BTBD1: variants seen among roughly 807,000 people sequenced by gnomAD.
BTBD1 encodes the protein BTB/POZ domain-containing protein 1.
BTBD1 carries 34 observed loss-of-function variants against 48.0 expected under a neutral mutation model. The observed-to-expected ratio is 0.71, with a 90% CI of 0.54 to 0.94. The LOEUF is 0.94. BTBD1 is among the 40% of genes least tolerant of loss of function. The pLI is 0.00. For missense variants in BTBD1, 543 were observed against 625.6 expected, an observed-to-expected ratio of 0.87 and a Z score of 1.41; for synonymous variants, 261 against 242.1, an observed-to-expected ratio of 1.08 and a Z score of -0.72.
At chr15:83,041,576 T>C (rs866742112) in intron 4 of BTBD1, 152 bp downstream of exon 4, 1 of 669,526 alleles carries the variant, frequency 1.5e-6, no homozygotes, top group Non-Finnish European at 2.6e-6. Context: ...TTTTACCATG[T>C]TGACAAGGCT....
At chr15:83,051,903 C>CACACACACACACA (rs1405843210) in intron 2 of BTBD1, among the ~76,000 whole-genome samples, 1 of 151,304 alleles carries the variant, frequency 6.6e-6, no homozygotes, top group South Asian at 2.1e-4. Context: ...CACACACACA[C>CACACACACACACA]ATCTATCTGG....
At chr15:83,056,084 AT>A (rs34238631) in intron 2 of BTBD1, among the ~76,000 whole-genome samples, 29,194 of 151,832 alleles carry the variant, frequency 0.19, 3,004 homozygotes, top group Non-Finnish European at 0.22. Context: ...TAATTTTTAT[AT>A]TTTTAGTAGA....
chr15:83,058,059 A>T (rs937856149), intron 1 of BTBD1, among the ~76,000 whole-genome samples: 2 of 152,248 alleles, frequency 1.3e-5, no homozygotes, highest in African/African-American at 4.8e-5. Flanking sequence ...AAGCCTGTCC[A>T]TTGTCATGGA....
At chr15:83,045,782 A>C (rs533025663) in intron 3 of BTBD1, among the ~76,000 whole-genome samples, 2 of 152,302 alleles carry the variant, frequency 1.3e-5, no homozygotes, top group East Asian at 3.9e-4. Flanking sequence ...AATATGACAC[A>C]ACCATTTGAT....
chr15:83,050,054 T>C lies in BTBD1; in HGVS notation c.664+19A>G. On this transcript the variant is annotated intron_variant, in intron 3 of 7. Transcript: ENST00000261721. ...TAACTGTACTTAAAATGTAACAATT[T>C]ACTTCATAGCGAACTTACCTATATC... 1 of 1,486,076 alleles carries C rather than the reference T, an allele frequency of 6.7e-7. No homozygotes were observed. The highest frequency in any genetic ancestry group is 9.4e-7 in the Non-Finnish European group (1 of 1,067,246). The allele number at this position is 1,486,076 out of a possible 1,614,324, so 92.1% of individuals were successfully genotyped here.
intron 4 of BTBD1, among the ~76,000 whole-genome samples, chr15:83,038,405 C>T (rs1056136541): frequency 1.3e-5 from 2 of 152,114 alleles, no homozygotes; most frequent in African/African-American, 2.4e-5. Context: ...ACAGATGACA[C>T]AAACAAATGG....
intron 2 of BTBD1, 112 bp downstream of exon 2, chr15:83,056,277 T>C: frequency 1.5e-6 from 1 of 679,502 alleles, no homozygotes; most frequent in Non-Finnish European, 2.3e-6. Flanking sequence ...AAAAATCATT[T>C]TATATACTTT....
chr15:83,053,909 C>T (rs1241063352), intron 2 of BTBD1, among the ~76,000 whole-genome samples: 1 of 152,224 alleles, frequency 6.6e-6, no homozygotes, highest in Non-Finnish European at 1.5e-5. Context: ...GCTCCCAGTA[C>T]ATTCTGCTAT....
chr15:83,049,789 C>G (rs1196105449), intron 3 of BTBD1, among the ~76,000 whole-genome samples: 1 of 152,152 alleles, frequency 6.6e-6, no homozygotes, highest in Non-Finnish European at 1.5e-5. Context: ...CAAGACAACT[C>G]ATCTCTTACT....
In BTBD1 at chr15:83,026,735, T is replaced by C. The variant is rs1015998149; in HGVS notation, c.1055+3401A>G. ...CGGGGTTTCTCCATGTTGGTCAGAC[T>C]GGTCTCGAGCTCCCGACCTGAGGTG... On this transcript the variant is annotated intron_variant, in intron 5 of 7. Transcript: ENST00000261721. Among the ~76,000 whole-genome samples, 6 of 152,038 alleles carry C rather than the reference T, an allele frequency of 3.9e-5. No homozygotes were observed. In the South Asian group the frequency reaches 8.3e-4, roughly 21 times the overall value.
intron 2 of BTBD1, among the ~76,000 whole-genome samples, chr15:83,055,406 T>A (rs1332198683): frequency 6.6e-6 from 1 of 151,610 alleles, no homozygotes; most frequent in Non-Finnish European, 1.5e-5. Flanking sequence ...TACAGGCATG[T>A]GCCACCATGC....
At chr15:83,052,648 T>G (rs1220324009) in intron 2 of BTBD1, among the ~76,000 whole-genome samples, 2 of 133,886 alleles carry the variant, frequency 1.5e-5, no homozygotes, top group Admixed American at 1.5e-4. Context: ...TTTTTTTTTT[T>G]GAGATGGAGT....
At chr15:83,038,014 G>A (rs2032664066) in intron 4 of BTBD1, among the ~76,000 whole-genome samples, 1 of 152,148 alleles carries the variant, frequency 6.6e-6, no homozygotes, top group African/African-American at 2.4e-5. Flanking sequence ...AACCCGGGAG[G>A]CAGAGGTTGC....
chr15:83,060,747 C>T (rs1005202570), intron 1 of BTBD1, among the ~76,000 whole-genome samples: 1 of 152,040 alleles, frequency 6.6e-6, no homozygotes, highest in South Asian at 2.1e-4. Flanking sequence ...AAGCCAAGAT[C>T]GCGCCACTGT....
At chr15:83,053,832 A>C (rs1054636549) in intron 2 of BTBD1, among the ~76,000 whole-genome samples, 1 of 152,222 alleles carries the variant, frequency 6.6e-6, no homozygotes. Context: ...CACCTCATAA[A>C]GTTATTGTGA....
At chr15:83,033,792 G>A (rs1242027289) in intron 4 of BTBD1, among the ~76,000 whole-genome samples, 1 of 151,928 alleles carries the variant, frequency 6.6e-6, no homozygotes, top group Non-Finnish European at 1.5e-5. Context: ...TTTTGCCGAG[G>A]CTGGTCTTGA....
intron 3 of BTBD1, among the ~76,000 whole-genome samples, chr15:83,044,175 T>A (rs1049057948): frequency 1.3e-5 from 2 of 152,186 alleles, no homozygotes; most frequent in Non-Finnish European, 1.5e-5. Context: ...ACAATAATAA[T>A]GTAACTGATA....
intron 1 of BTBD1, among the ~76,000 whole-genome samples, 185 bp from the exon 2 acceptor site, chr15:83,056,730 T>A (rs548459531): frequency 1.7e-5 from 2 of 120,714 alleles, no homozygotes; most frequent in African/African-American, 6.3e-5. Flanking sequence ...CATCCATCCA[T>A]CGACAGGGTC....
intron 3 of BTBD1, among the ~76,000 whole-genome samples, chr15:83,045,047 A>G (rs557284386): frequency 6.6e-6 from 1 of 152,360 alleles, no homozygotes; most frequent in African/African-American, 2.4e-5. Flanking sequence ...GAACCTAGAT[A>G]AAACAGGCAC....
Sources: allele counts gnomAD v4.1 joint callset (sites outside exome capture counted in the v4.1 genomes callset), GRCh38; gene constraint gnomAD v4.1.1; transcripts MANE v1.5; gene names NCBI Gene and HGNC (gene_info 2026-07-23, HGNC 2026-07-21).